VEGFC: variants seen among roughly 807,000 people sequenced by gnomAD.
The protein encoded by VEGFC is FLT4 ligand DHM.
In VEGFC, 12 loss-of-function variants were observed where a neutral mutation model predicts 46.1. That is an observed-to-expected ratio of 0.26 (90% CI 0.17 to 0.42). The LOEUF is 0.42. VEGFC is among the 10% of genes least tolerant of loss of function. The pLI, the probability that VEGFC is intolerant of heterozygous loss-of-function variation, is 1.00. For synonymous variants in VEGFC, 232 were observed against 195.5 expected (o/e 1.19, Z -1.56); for missense variants, 488 against 529.4 (o/e 0.92, Z 0.77).
At chr4:176,691,357 A>C (rs1231704064) in intron 4 of VEGFC, among the ~76,000 whole-genome samples, 3 of 152,188 alleles carry the variant, frequency 2.0e-5, no homozygotes, top group Non-Finnish European at 4.4e-5. Flanking sequence ...CATTGATTCA[A>C]AGACATTCTG....
At chr4:176,698,359 T>C (rs1003597344) in intron 4 of VEGFC, among the ~76,000 whole-genome samples, 7 of 151,932 alleles carry the variant, frequency 4.6e-5, no homozygotes, top group Non-Finnish European at 5.9e-5. Flanking sequence ...TGGGCTGAAA[T>C]GTTATTCTTT....
At chr4:176,747,277 C>A (rs141003768) in intron 1 of VEGFC, among the ~76,000 whole-genome samples, 152 of 151,986 alleles carry the variant, frequency 1.0e-3, no homozygotes, top group South Asian at 4.4e-3. Flanking sequence ...CTATGTATTA[C>A]AATAAACTAA....
At chr4:176,732,978 C>T (rs1388166797) in intron 1 of VEGFC, among the ~76,000 whole-genome samples, 1 of 151,770 alleles carries the variant, frequency 6.6e-6, no homozygotes, top group East Asian at 1.9e-4. Flanking sequence ...TGATCAAACT[C>T]ACCAAAGAAG....
chr4:176,777,463 A>T (rs10033378), intron 1 of VEGFC, among the ~76,000 whole-genome samples: 16,628 of 152,108 alleles, frequency 0.11, 2,260 homozygotes, highest in African/African-American at 0.32. Context: ...TAAATACCTA[A>T]AACACTTTAC....
intron 3 of VEGFC, among the ~76,000 whole-genome samples, chr4:176,716,726 T>A (rs1734706970): frequency 6.6e-6 from 1 of 152,156 alleles, no homozygotes; most frequent in Admixed American, 6.6e-5. Flanking sequence ...CACTGGAGTT[T>A]AATTCCCTTA....
chr4:176,723,490 TG>T, intron 3 of VEGFC, among the ~76,000 whole-genome samples: 1 of 130,418 alleles, frequency 7.7e-6, no homozygotes, highest in African/African-American at 3.5e-5. Context: ...TGGGGGTCCA[TG>T]TGCAGGTTTG....
chr4:176,692,645 T>C (rs547146655), intron 4 of VEGFC, among the ~76,000 whole-genome samples: 1 of 145,288 alleles, frequency 6.9e-6, no homozygotes, highest in South Asian at 2.1e-4. Context: ...GAGGCCTGCC[T>C]GCCTCTGTAG....
At position 176,729,641 on chromosome 4, in the gene VEGFC, G is replaced by T; in HGVS notation, c.253C>A (p.Leu85Ile). ...PEYWKMYKCQ[L>I]RKGGWQHNRE... ...TTATGTTGCCAGCCTCCTTTCCTTA[G>T]CTGACACTTGTACATTTTCCAATAT... Residue 85 changes from leucine to isoleucine, a missense_variant, in exon 2 of 7, where the codon CTA becomes ATA. Leu to Ile is a conservative substitution (Grantham distance 5). Transcript: ENST00000618562. 1 of 1,613,806 alleles carries T rather than the reference G, an allele frequency of 6.2e-7. No homozygotes were observed. Among genetic ancestry groups the T allele is most frequent in the Non-Finnish European group, 8.5e-7 (1 of 1,179,892 alleles).
chr4:176,690,076 T>A (rs1193318251), intron 4 of VEGFC, among the ~76,000 whole-genome samples: 5 of 152,270 alleles, frequency 3.3e-5, no homozygotes, highest in African/African-American at 7.2e-5. Flanking sequence ...AGAGAAAAAA[T>A]TTCATACTGT....
chr4:176,763,454 T>A lies in VEGFC; in HGVS notation c.147+28711A>T, dbSNP rs139557749. Among the ~76,000 whole-genome samples the A allele has an allele frequency of 1.8e-4, 27 of 152,314 alleles. No individual in the cohort carries two copies. The East Asian group carries it at 5.0e-3, about 28-fold the overall frequency. ...TGCAAAGAGGTGCATAGAACATCAT[T>A]CCAATTACATAAATTTCAAAAGCAA... On this transcript the variant is annotated intron_variant, in intron 1 of 6. Coordinates refer to ENST00000618562, the MANE Select transcript of VEGFC (RefSeq NM_005429.5).
intron 1 of VEGFC, among the ~76,000 whole-genome samples, chr4:176,732,741 G>A (rs1734988750): frequency 6.7e-6 from 1 of 149,582 alleles, no homozygotes. Flanking sequence ...TTTTTTTTCA[G>A]AAGAAAATAT....
chr4:176,759,245 T>C (rs376944318), intron 1 of VEGFC, among the ~76,000 whole-genome samples: 1 of 152,194 alleles, frequency 6.6e-6, no homozygotes, highest in East Asian at 1.9e-4. Flanking sequence ...TGAGCCCATA[T>C]ATTTGGGACA....
intron 3 of VEGFC, among the ~76,000 whole-genome samples, chr4:176,726,431 T>C (rs1734874440): frequency 6.6e-6 from 1 of 152,100 alleles, no homozygotes; most frequent in South Asian, 2.1e-4. Context: ...TTTTAACCTT[T>C]AGAGTTGAGG....
At chr4:176,762,771 A>G (rs1449995298) in intron 1 of VEGFC, among the ~76,000 whole-genome samples, 2 of 152,222 alleles carry the variant, frequency 1.3e-5, no homozygotes, top group Admixed American at 1.3e-4. Context: ...AATAATTCAG[A>G]GAGTATTCAA....
chr4:176,780,510 A>G (rs1005540521), intron 1 of VEGFC, among the ~76,000 whole-genome samples: 1 of 152,168 alleles, frequency 6.6e-6, no homozygotes, highest in African/African-American at 2.4e-5. Flanking sequence ...ATTTAATTTT[A>G]GCTGTACATA....
intron 3 of VEGFC, 104 bp from the exon 4 acceptor site, chr4:176,711,754 G>A (rs780173266): frequency 5.2e-6 from 6 of 1,146,722 alleles, no homozygotes; most frequent in African/African-American, 4.7e-5. Flanking sequence ...CTCTATATAA[G>A]TAGCTGCCTA....
intron 1 of VEGFC, among the ~76,000 whole-genome samples, chr4:176,783,361 A>G (rs528652097): frequency 2.0e-5 from 3 of 152,276 alleles, no homozygotes; most frequent in African/African-American, 4.8e-5. Context: ...GAAATTGTTG[A>G]TATTTTAGGT....
chr4:176,759,837 G>A (rs961566465), intron 1 of VEGFC, among the ~76,000 whole-genome samples: 9 of 151,908 alleles, frequency 5.9e-5, no homozygotes, highest in African/African-American at 1.7e-4. Flanking sequence ...GGTTTATATC[G>A]CATTTGCCAG....
At chr4:176,744,689 TC>T (rs1735232594) in intron 1 of VEGFC, among the ~76,000 whole-genome samples, 1 of 152,072 alleles carries the variant, frequency 6.6e-6, no homozygotes, top group South Asian at 2.1e-4. Flanking sequence ...TTGACCAGGG[TC>T]TGTGCTAGTT....
Sources: gnomAD v4.1 joint callset for allele counts (sites outside exome capture counted in the v4.1 genomes callset) on GRCh38, gnomAD v4.1.1 for gene constraint, MANE v1.5 for transcripts, NCBI Gene and HGNC (gene_info 2026-07-23, HGNC 2026-07-21) for gene names.